XNDC1N: variants seen among roughly 807,000 people sequenced by gnomAD.
The protein encoded by XNDC1N is XRCC1 N-terminal domain containing 1, N-terminal like, also known as protein XNDC1N.
chr11:71,896,260 C>T, the XNDC1N span, among the ~76,000 whole-genome samples: 2 of 152,118 alleles, frequency 1.3e-5, no homozygotes, highest in Non-Finnish European at 2.9e-5. Context: ...ACCTGGGCAA[C>T]AGAAAGAGAC....
At chr11:71,899,150 G>GC in the XNDC1N span, among the ~76,000 whole-genome samples, 1 of 152,046 alleles carries the variant, frequency 6.6e-6, no homozygotes, top group Non-Finnish European at 1.5e-5. Context: ...TGTGCCTTGA[G>GC]CCCCCCAGGC....
chr11:71,906,723 A>T, the XNDC1N span, among the ~76,000 whole-genome samples: 1 of 152,186 alleles, frequency 6.6e-6, no homozygotes. Flanking sequence ...TTTCTATAGA[A>T]GATTACACGT....
chr11:71,885,340 G>C, the XNDC1N span, among the ~76,000 whole-genome samples: 2 of 152,070 alleles, frequency 1.3e-5, no homozygotes, highest in Non-Finnish European at 2.9e-5. Flanking sequence ...CCTTGGTGGT[G>C]TCCACTTTCT....
the XNDC1N span, among the ~76,000 whole-genome samples, chr11:71,895,475 ATTTTTTTTTTT>A: frequency 7.1e-5 from 7 of 98,354 alleles, no homozygotes; most frequent in African/African-American, 2.2e-4. Context: ...ATGCCTGGCT[ATTTTTTTTTTT>A]TTTTTTTTTT....
chr11:71,892,383 A>G, the XNDC1N span, among the ~76,000 whole-genome samples: 1 of 152,076 alleles, frequency 6.6e-6, no homozygotes, highest in African/African-American at 2.4e-5. Flanking sequence ...TCTCTGTAAT[A>G]CCTTATGAAT....
chr11:71,893,066 A>C, the XNDC1N span, among the ~76,000 whole-genome samples: 44 of 152,228 alleles, frequency 2.9e-4, no homozygotes, highest in Non-Finnish European at 5.4e-4. Flanking sequence ...GTCAGAATAA[A>C]GTAGAGTGTA....
chr11:71,917,679 C>T, the XNDC1N span: 1 of 703,298 alleles, frequency 1.4e-6, no homozygotes, highest in Admixed American at 2.0e-5. Flanking sequence ...CAGTTAGAGA[C>T]ATTAGCGTGG....
At chr11:71,871,976 G>A in the XNDC1N span, among the ~76,000 whole-genome samples, 6 of 152,194 alleles carry the variant, frequency 3.9e-5, 1 homozygote, top group East Asian at 1.2e-3. Flanking sequence ...TGATAAATAT[G>A]AATATATCAT....
the XNDC1N span, chr11:71,903,346 C>G: frequency 6.9e-7 from 1 of 1,450,320 alleles, no homozygotes; most frequent in Non-Finnish European, 9.7e-7. Flanking sequence ...TCAGCCCTGA[C>G]TCCCACCTCC....
At chr11:71,881,347 C>T in the XNDC1N span, among the ~76,000 whole-genome samples, 1 of 152,076 alleles carries the variant, frequency 6.6e-6, no homozygotes, top group African/African-American at 2.4e-5. Context: ...GCCATTCTTG[C>T]ATTGCTATAG....
chr11:71,902,722 T>A, the XNDC1N span, among the ~76,000 whole-genome samples: 13 of 152,276 alleles, frequency 8.5e-5, no homozygotes, highest in Admixed American at 8.5e-4. Context: ...TCAGCTGTTA[T>A]ACAGTGTTTA....
At chr11:71,887,055 C>A in the XNDC1N span, among the ~76,000 whole-genome samples, 413 of 151,928 alleles carry the variant, frequency 2.7e-3, no homozygotes, top group Middle Eastern at 0.01. Flanking sequence ...GGGCCCTGCT[C>A]AACCTGGCAG....
the XNDC1N span, among the ~76,000 whole-genome samples, chr11:71,893,014 G>A: frequency 0.037 from 5,600 of 152,210 alleles, 274 homozygotes; most frequent in East Asian, 0.16. Flanking sequence ...CTCTTGTGTC[G>A]TCCTTTTACA....
the XNDC1N span, among the ~76,000 whole-genome samples, chr11:71,896,005 T>A: frequency 6.6e-6 from 1 of 152,162 alleles, no homozygotes; most frequent in East Asian, 1.9e-4. Flanking sequence ...TGGCCAGGTG[T>A]GGTGGCTCAG....
the XNDC1N span, chr11:71,878,515 G>A: frequency 2.5e-6 from 4 of 1,609,596 alleles, no homozygotes; most frequent in South Asian, 1.1e-5. Context: ...CTCCAAGTAA[G>A]GCAGAAACTT....
the XNDC1N span, among the ~76,000 whole-genome samples, chr11:71,877,628 A>G: frequency 6.6e-6 from 1 of 152,146 alleles, no homozygotes; most frequent in Non-Finnish European, 1.5e-5. Context: ...ACTGTGTGAG[A>G]CTCTGTCTCT....
chr11:71,897,237 A>C, the XNDC1N span, among the ~76,000 whole-genome samples: 4 of 152,242 alleles, frequency 2.6e-5, no homozygotes, highest in African/African-American at 7.2e-5. Context: ...TGGATTACAT[A>C]TAAATGACAG....
chr11:71,919,102 G>A, the XNDC1N span: 7 of 680,894 alleles, frequency 1.0e-5, no homozygotes, highest in African/African-American at 8.8e-5. Flanking sequence ...ATGAGGGATC[G>A]CTAAAACCCC....
At chr11:71,899,275 G>A in the XNDC1N span, among the ~76,000 whole-genome samples, 6 of 152,078 alleles carry the variant, frequency 3.9e-5, no homozygotes, top group African/African-American at 1.2e-4. Context: ...CCTTGAAGAC[G>A]GAGTCTGAGC....
Sources: gnomAD v4.1 joint callset for allele counts (sites outside exome capture counted in the v4.1 genomes callset) on GRCh38, gnomAD v4.1.1 for gene constraint, MANE v1.5 for transcripts, NCBI Gene and HGNC (gene_info 2026-07-23, HGNC 2026-07-21) for gene names.